The following PARD3B variants were observed in gnomAD, a reference collection of about 807,000 sequenced individuals.
The protein encoded by PARD3B is par-3 family cell polarity regulator beta.
In PARD3B, 103 loss-of-function variants were observed where a neutral mutation model predicts 130.2. That is an observed-to-expected ratio of 0.79 (90% CI 0.67 to 0.93). The LOEUF is 0.93. Ranked by LOEUF, PARD3B falls within the 40% of genes least tolerant of loss-of-function variation. The pLI is 0.00. For missense variants in PARD3B, 1,609 were observed against 1,499.2 expected (o/e 1.07, Z -1.21); for synonymous variants, 583 against 553.2 (o/e 1.05, Z -0.76).
chr2:204,716,957 G>A (rs1418376282), intron 2 of PARD3B, among the ~76,000 whole-genome samples: 1 of 152,148 alleles, frequency 6.6e-6, no homozygotes, highest in African/African-American at 2.4e-5. Flanking sequence ...ATAACGTGCT[G>A]TGGAAGAAGC....
At chr2:205,336,528 A>G (rs2043320027) in intron 18 of PARD3B, among the ~76,000 whole-genome samples, 1 of 152,196 alleles carries the variant, frequency 6.6e-6, no homozygotes, top group African/African-American at 2.4e-5. Flanking sequence ...CACAGTTACC[A>G]TTCTTTATTT....
chr2:204,719,563 A>G (rs190047488), intron 2 of PARD3B, among the ~76,000 whole-genome samples: 17 of 152,320 alleles, frequency 1.1e-4, no homozygotes, highest in Non-Finnish European at 2.1e-4. Flanking sequence ...TCTTAACCAC[A>G]TGTAACCTTC....
chr2:204,896,911 G>C (rs962802109), intron 2 of PARD3B, among the ~76,000 whole-genome samples: 2 of 152,154 alleles, frequency 1.3e-5, no homozygotes, highest in African/African-American at 4.8e-5. Context: ...GTATGCATAT[G>C]ATCTTGAACA....
intron 2 of PARD3B, among the ~76,000 whole-genome samples, chr2:204,778,466 G>C (rs922036907): frequency 1.3e-5 from 2 of 152,176 alleles, no homozygotes; most frequent in Admixed American, 6.5e-5. Context: ...GAAAAATGCA[G>C]AGAGGTGGTA....
intron 2 of PARD3B, among the ~76,000 whole-genome samples, chr2:204,754,318 T>A (rs2040580602): frequency 6.6e-6 from 1 of 152,144 alleles, no homozygotes; most frequent in Admixed American, 6.6e-5. Flanking sequence ...GTAGCATGTG[T>A]AATCATGAAT....
chr2:204,808,849 G>A (rs2042865185), intron 2 of PARD3B, among the ~76,000 whole-genome samples: 1 of 152,122 alleles, frequency 6.6e-6, no homozygotes, highest in Non-Finnish European at 1.5e-5. Flanking sequence ...TATATACCCA[G>A]TAATGGGATT....
intron 2 of PARD3B, among the ~76,000 whole-genome samples, chr2:204,775,888 T>C (rs2041597483): frequency 6.6e-6 from 1 of 152,158 alleles, no homozygotes. Context: ...CTTTCTGGCT[T>C]GCAGGTTTCT....
At chr2:205,068,086 A>G (rs944635591) in intron 4 of PARD3B, among the ~76,000 whole-genome samples, 6 of 152,066 alleles carry the variant, frequency 3.9e-5, no homozygotes, top group African/African-American at 1.4e-4. Flanking sequence ...TATCTGAAGC[A>G]ATTTGTGTTT....
At chr2:205,096,854 T>A (rs1479208173) in intron 4 of PARD3B, among the ~76,000 whole-genome samples, 3 of 152,182 alleles carry the variant, frequency 2.0e-5, no homozygotes, top group Non-Finnish European at 2.9e-5. Context: ...TAGAGCATAA[T>A]CTCTAGAATA....
chr2:205,031,533 A>C (rs561215344), intron 3 of PARD3B, among the ~76,000 whole-genome samples: 2 of 152,298 alleles, frequency 1.3e-5, no homozygotes, highest in African/African-American at 4.8e-5. Flanking sequence ...GCCTCTTATC[A>C]GCACCTTCAA....
intron 2 of PARD3B, among the ~76,000 whole-genome samples, chr2:204,891,337 A>C (rs907512983): frequency 6.6e-6 from 1 of 152,128 alleles, no homozygotes; most frequent in Non-Finnish European, 1.5e-5. Flanking sequence ...TGATATGAAC[A>C]CAGATTGTAT....
intron 3 of PARD3B, among the ~76,000 whole-genome samples, chr2:204,995,440 C>T (rs199556273): frequency 0.41 from 60,261 of 145,586 alleles, 13,102 homozygotes; most frequent in East Asian, 0.81. Context: ...GGGTTTCTGC[C>T]GAGAGATCCA....
chr2:204,563,251 CTCTCTCTCTCTCTCTT>C (rs1242252048), intron 1 of PARD3B, among the ~76,000 whole-genome samples: 4 of 148,530 alleles, frequency 2.7e-5, no homozygotes, highest in Middle Eastern at 3.4e-3. Context: ...CTCTCTCTCT[CTCTCTCTCTCTCTCTT>C]TCTCTCTTCT....
At chr2:204,918,517 C>A (rs991822299) in intron 2 of PARD3B, among the ~76,000 whole-genome samples, 51 of 150,282 alleles carry the variant, frequency 3.4e-4, no homozygotes, top group African/African-American at 1.2e-3. Flanking sequence ...GTAGTCCCAG[C>A]TACTTGGGAG....
intron 4 of PARD3B, among the ~76,000 whole-genome samples, chr2:205,057,367 GTGTTATATACATATACATATATACATGTA>G: frequency 1.2e-5 from 1 of 85,846 alleles, no homozygotes; most frequent in Admixed American, 1.1e-4. Flanking sequence ...ACATGTATAT[GTGTTATATACATATACATATATACATGTA>G]TATGTGTTAT....
intron 15 of PARD3B, among the ~76,000 whole-genome samples, chr2:205,193,787 A>G (rs372108448): frequency 6.6e-6 from 1 of 152,226 alleles, no homozygotes; most frequent in South Asian, 2.1e-4. Flanking sequence ...TAGAGATGGC[A>G]TCAGTGCAGA....
chr2:204,741,932 G>A (rs10932085), intron 2 of PARD3B, among the ~76,000 whole-genome samples: 118,541 of 152,008 alleles, frequency 0.78, 46,386 homozygotes, highest in East Asian at 0.89. Context: ...TTCAAAGTCC[G>A]GAGGTTCTCA....
intron 22 of PARD3B, among the ~76,000 whole-genome samples, chr2:205,598,325 G>C (rs181767097): frequency 2.7e-5 from 4 of 149,734 alleles, no homozygotes; most frequent in African/African-American, 9.9e-5. Flanking sequence ...TCTTCTATCA[G>C]ATAAAACAGA....
chr2:204,895,826 G>A (rs768338747), intron 2 of PARD3B, among the ~76,000 whole-genome samples: 4 of 152,114 alleles, frequency 2.6e-5, no homozygotes, highest in Non-Finnish European at 4.4e-5. Flanking sequence ...AGTTGGAAAG[G>A]ACTTAAAAAT....
Sources: gnomAD v4.1 joint callset for allele counts (sites outside exome capture counted in the v4.1 genomes callset) on GRCh38, gnomAD v4.1.1 for gene constraint, MANE v1.5 for transcripts, NCBI Gene and HGNC (gene_info 2026-07-23, HGNC 2026-07-21) for gene names.